The following CFAP77 variants were observed in gnomAD, a reference collection of about 807,000 sequenced individuals.
CFAP77 encodes cilia- and flagella-associated protein 77.
In CFAP77, 25 loss-of-function variants were observed where a neutral mutation model predicts 31.1. The observed-to-expected ratio is 0.80, with a 90% CI of 0.59 to 1.12. The LOEUF is 1.12. Ranked by LOEUF, CFAP77 falls within the 50% of genes most tolerant of loss-of-function variation. The pLI is 0.00. For missense variants in CFAP77, 377 were observed against 397.3 expected, an observed-to-expected ratio of 0.95 and a Z score of 0.44; for synonymous variants, 151 against 159.9, an observed-to-expected ratio of 0.94 and a Z score of 0.42.
intron 1 of CFAP77, among the ~76,000 whole-genome samples, chr9:132,435,373 G>T (rs1850488412): frequency 6.6e-6 from 1 of 152,200 alleles, no homozygotes; most frequent in Non-Finnish European, 1.5e-5. Context: ...TTACTAGAAA[G>T]CCCTCTCTCA....
intron 1 of CFAP77, among the ~76,000 whole-genome samples, chr9:132,418,320 G>A (rs1564197141): frequency 6.6e-6 from 1 of 152,196 alleles, no homozygotes; most frequent in African/African-American, 2.4e-5. Flanking sequence ...GCTATACACT[G>A]GACAGCGCTC....
intron 1 of CFAP77, among the ~76,000 whole-genome samples, chr9:132,473,210 G>T (rs796386393): frequency 2.6e-5 from 4 of 152,248 alleles, no homozygotes; most frequent in African/African-American, 9.6e-5. Context: ...GTTCACGAGG[G>T]ATCTGCCTCC....
rs137972929 is a variant in CFAP77 at position 132,568,290 on chromosome 9, A to C, written c.733-4098A>C. ...GCATATACAGCTGGGCGCTGTGGCT[A>C]ACGCCTGTAATCCCAACACTTTGGG... On this transcript the variant is annotated intron_variant, in intron 5 of 5. Coordinates refer to ENST00000393216, the MANE Select transcript of CFAP77 (RefSeq NM_001282957.2). Among the ~76,000 whole-genome samples the C allele has an allele frequency of 3.2e-3, 480 of 152,284 alleles. 1 individual carries two copies. The highest frequency in any genetic ancestry group is 0.011 in the African/African-American group (454 of 41,556).
chr9:132,450,970 G>A (rs952919653), intron 1 of CFAP77, among the ~76,000 whole-genome samples: 9 of 152,142 alleles, frequency 5.9e-5, no homozygotes, highest in Admixed American at 5.9e-4. Flanking sequence ...TGGATGTCAG[G>A]ATTTTGGCTT....
intron 1 of CFAP77, among the ~76,000 whole-genome samples, chr9:132,426,223 A>C (rs1273752361): frequency 1.3e-5 from 2 of 152,240 alleles, no homozygotes; most frequent in African/African-American, 4.8e-5. Flanking sequence ...TACAATGTTC[A>C]TTTGGCAAGG....
intron 5 of CFAP77, among the ~76,000 whole-genome samples, chr9:132,544,113 G>A (rs1852692939): frequency 6.6e-6 from 1 of 152,162 alleles, no homozygotes; most frequent in South Asian, 2.1e-4. Context: ...TGAGCCTAAT[G>A]CACTCGAACA....
intron 1 of CFAP77, among the ~76,000 whole-genome samples, chr9:132,441,457 A>G (rs1850614253): frequency 6.6e-6 from 1 of 152,180 alleles, no homozygotes; most frequent in Admixed American, 6.5e-5. Flanking sequence ...AGCTGAGTTT[A>G]CATGCTGGGA....
In CFAP77 at chr9:132,555,614, G is replaced by A. The variant is rs563250887; in HGVS notation, c.732+12567G>A. ...GAATCCCCATTGTCTAAATTCAGCA[G>A]TAAAATTTGGAGCTCTGGAATTTGA... On this transcript the variant is annotated intron_variant, in intron 5 of 5. Transcript: ENST00000393216. Among the ~76,000 whole-genome samples the A allele has an allele frequency of 1.6e-4, 24 of 152,290 alleles. No individual in the cohort carries two copies. The South Asian group carries it at 5.0e-3, about 32-fold the overall frequency.
intron 1 of CFAP77, among the ~76,000 whole-genome samples, chr9:132,465,392 G>C (rs1411907948): frequency 2.6e-5 from 4 of 152,214 alleles, no homozygotes; most frequent in Non-Finnish European, 5.9e-5. Context: ...GGTCATGAAG[G>C]TTGTGTTGGG....
intron 1 of CFAP77, among the ~76,000 whole-genome samples, chr9:132,475,640 T>C (rs1851337131): frequency 6.6e-6 from 1 of 152,202 alleles, no homozygotes; most frequent in African/African-American, 2.4e-5. Context: ...GGCTGGCAGC[T>C]TTCCCTACAT....
intron 1 of CFAP77, among the ~76,000 whole-genome samples, chr9:132,437,597 C>T (rs1324912910): frequency 6.6e-6 from 1 of 150,704 alleles, no homozygotes; most frequent in East Asian, 2.0e-4. Context: ...GCAAACTCCG[C>T]CTCCCGGGTT....
chr9:132,452,247 A>G (rs1400517838), intron 1 of CFAP77, among the ~76,000 whole-genome samples: 1 of 152,250 alleles, frequency 6.6e-6, no homozygotes, highest in Non-Finnish European at 1.5e-5. Flanking sequence ...CAGGGCAGAT[A>G]GAGCTCTTCT....
chr9:132,565,251 C>T lies in CFAP77; in HGVS notation c.733-7137C>T, dbSNP rs574503097. ...ATTCCTCCTTTGCCCCTTCCTTTGC[C>T]CCTGGCTTGCTCCTTCATCCTCCCC... is the stretch of plus-strand genomic sequence containing the variant. On this transcript the variant is annotated intron_variant, in intron 5 of 5. Coordinates refer to ENST00000393216, the MANE Select transcript of CFAP77 (RefSeq NM_001282957.2). This position sits in a 1 kb window ranked among gnomAD's most constrained non-coding sequence, Gnocchi z 4.1. 1.5e-4 allele frequency among the ~76,000 whole-genome samples: 23 copies of T among 151,918 alleles called. No homozygotes were observed. The highest frequency in any genetic ancestry group is 3.4e-3 in the Middle Eastern group (1 of 292).
intron 3 of CFAP77, among the ~76,000 whole-genome samples, chr9:132,535,859 T>C (rs1852532502): frequency 6.6e-6 from 1 of 152,166 alleles, no homozygotes; most frequent in Admixed American, 6.5e-5. Flanking sequence ...TTTAATTTTT[T>C]CATAATTAGC....
chr9:132,434,223 A>G (rs1850466064), intron 1 of CFAP77, among the ~76,000 whole-genome samples: 1 of 152,014 alleles, frequency 6.6e-6, no homozygotes, highest in African/African-American at 2.4e-5. Flanking sequence ...TCCAGACCCC[A>G]TCCCCGCTCT....
intron 1 of CFAP77, among the ~76,000 whole-genome samples, chr9:132,423,142 G>A (rs1288677082): frequency 2.0e-5 from 3 of 152,138 alleles, no homozygotes; most frequent in Non-Finnish European, 4.4e-5. Flanking sequence ...GCACCCAGGG[G>A]GCATAAATTC....
chr9:132,430,016 C>T (rs1390423924), intron 1 of CFAP77, among the ~76,000 whole-genome samples: 1 of 152,042 alleles, frequency 6.6e-6, no homozygotes, highest in Non-Finnish European at 1.5e-5. Flanking sequence ...ACTGCTGCCC[C>T]AGAGCCCTCT....
At chr9:132,522,212 C>G (rs1266222752) in intron 3 of CFAP77, among the ~76,000 whole-genome samples, 1 of 152,216 alleles carries the variant, frequency 6.6e-6, no homozygotes, top group Non-Finnish European at 1.5e-5. Context: ...GACTTGGCCT[C>G]TATGTGCACC....
chr9:132,433,583 T>A (rs1419089258), intron 1 of CFAP77, among the ~76,000 whole-genome samples: 1 of 151,612 alleles, frequency 6.6e-6, no homozygotes, highest in Non-Finnish European at 1.5e-5. Context: ...AGTCTCACTC[T>A]GTCACCCAGG....
Sources: gnomAD v4.1 joint callset for allele counts (sites outside exome capture counted in the v4.1 genomes callset) on GRCh38, gnomAD v4.1.1 for gene constraint, Gnocchi (gnomAD v3.1) non-coding constraint, MANE v1.5 for transcripts, NCBI Gene and HGNC (gene_info 2026-07-23, HGNC 2026-07-21) for gene names.